Variants in MAP4 observed in about 807,000 individuals in gnomAD.
The protein encoded by MAP4 is microtubule associated protein 4, also known as microtubule-associated protein 4.
MAP4 carries 76 observed loss-of-function variants against 170.2 expected under a neutral mutation model. That is an observed-to-expected ratio of 0.45 (90% CI 0.37 to 0.54). The LOEUF (loss-of-function observed/expected upper bound fraction) is 0.54, where lower values mean the gene tolerates loss of function less well. Among genes scored for constraint, MAP4 ranks in the 20% least tolerant of loss-of-function variants. The pLI, the probability that MAP4 is intolerant of heterozygous loss-of-function variation, is 0.00. For synonymous variants in MAP4, 909 were observed against 994.5 expected (o/e 0.91, Z 1.62); for missense variants, 2,506 against 2,748.0 (o/e 0.91, Z 1.97).
chr3:48,004,066 T>C (rs6442092), intron 1 of MAP4, among the ~76,000 whole-genome samples: 149,338 of 152,272 alleles, frequency 0.98, 73,301 homozygotes, highest in East Asian at 1. Flanking sequence ...ACTAAATTCC[T>C]CTTTTTATAA....
Position 47,850,870 on chromosome 3 carries a change from C to T in MAP4, c.*2064G>A, listed in dbSNP as rs2040608922. On this transcript the variant is annotated 3_prime_UTR_variant, in exon 21 of 21. Transcript: ENST00000683076. ...CCTCTGGTCCCGGCCTTCTCAGGTG[C>T]TCTGGAGTGGAGGATCCTTTGAGGG... is the stretch of plus-strand genomic sequence containing the variant. 7.5e-6 allele frequency: 1 copy of T among 133,104 alleles called. No homozygotes were observed. The highest frequency in any genetic ancestry group is 7.5e-5 in the Admixed American group (1 of 13,404). 8.2% of individuals were successfully genotyped at this position (133,104 alleles called of 1,614,324 possible). A position where few individuals can be genotyped will look rare whatever the true frequency, so the allele number is the denominator to read the frequency against.
At chr3:48,062,806 C>G (rs2100136530) in intron 1 of MAP4, among the ~76,000 whole-genome samples, 1 of 151,350 alleles carries the variant, frequency 6.6e-6, no homozygotes, top group Admixed American at 6.6e-5. Context: ...TGCCTGTAAT[C>G]CCAGCTACTC....
At chr3:48,040,331 T>C (rs906973842) in intron 1 of MAP4, among the ~76,000 whole-genome samples, 2 of 152,114 alleles carry the variant, frequency 1.3e-5, no homozygotes, top group Non-Finnish European at 2.9e-5. Flanking sequence ...TTCAGTGGCG[T>C]GATCTCGGCT....
chr3:47,892,865 T>C (rs946752244), intron 10 of MAP4: 50 of 1,043,750 alleles, frequency 4.8e-5, no homozygotes, highest in South Asian at 4.8e-4. Flanking sequence ...TTCACTGATA[T>C]AGATACGTGC....
chr3:47,876,739 C>T (rs1179882205), intron 11 of MAP4, among the ~76,000 whole-genome samples: 2 of 152,094 alleles, frequency 1.3e-5, no homozygotes, highest in Admixed American at 1.3e-4. Flanking sequence ...TATGATCCAC[C>T]TTCAAAATCT....
At chr3:47,926,627 C>CA (rs1233047269) in intron 4 of MAP4, among the ~76,000 whole-genome samples, 1 of 152,170 alleles carries the variant, frequency 6.6e-6, no homozygotes, top group African/African-American at 2.4e-5. Context: ...TTTGAAGTGG[C>CA]AGACTCAAGT....
intron 1 of MAP4, among the ~76,000 whole-genome samples, chr3:48,074,202 A>G (rs1210947548): frequency 6.6e-6 from 1 of 151,460 alleles, no homozygotes; most frequent in East Asian, 1.9e-4. Context: ...GCAAACTATC[A>G]CAAGGACAGA....
chr3:47,873,733 G>T (rs1317686177), intron 12 of MAP4, among the ~76,000 whole-genome samples: 1 of 152,176 alleles, frequency 6.6e-6, no homozygotes, highest in Non-Finnish European at 1.5e-5. Context: ...TGCTCTCTGG[G>T]ATGTGCATCA....
At chr3:48,074,676 T>G (rs941089351) in intron 1 of MAP4, among the ~76,000 whole-genome samples, 6 of 90,640 alleles carry the variant, frequency 6.6e-5, no homozygotes, top group Non-Finnish European at 1.0e-4. Flanking sequence ...ATCCAGCTAA[T>G]TGTGTGTGTG....
At chr3:47,923,068 C>T (rs1353985012) in intron 4 of MAP4, among the ~76,000 whole-genome samples, 1 of 151,576 alleles carries the variant, frequency 6.6e-6, no homozygotes, top group Admixed American at 6.6e-5. Context: ...GAAAAAAAAG[C>T]AAAGCTGTTC....
intron 1 of MAP4, among the ~76,000 whole-genome samples, chr3:48,057,610 A>AAAAAT (rs2100132881): frequency 7.9e-6 from 1 of 127,114 alleles, no homozygotes; most frequent in African/African-American, 2.9e-5. Context: ...TATCAATAAA[A>AAAAAT]AAATAAATAA....
chr3:48,053,523 AAC>A (rs1374828216), intron 1 of MAP4, among the ~76,000 whole-genome samples: 2 of 152,302 alleles, frequency 1.3e-5, no homozygotes, highest in East Asian at 3.9e-4. Context: ...AAGCCACATG[AAC>A]ACTTTTATTT....
At chr3:47,903,361 G>A (rs1014202075) in intron 9 of MAP4, among the ~76,000 whole-genome samples, 1 of 152,028 alleles carries the variant, frequency 6.6e-6, no homozygotes, top group Non-Finnish European at 1.5e-5. Context: ...GTGAAACCCC[G>A]TCTCTACTAA....
intron 3 of MAP4, among the ~76,000 whole-genome samples, chr3:47,930,211 C>T (rs1448685719): frequency 2.6e-5 from 4 of 151,310 alleles, no homozygotes; most frequent in East Asian, 2.0e-4. Flanking sequence ...TTTGGGAGGC[C>T]GAGGCGGGTG....
chr3:47,955,464 ACAC>A, intron 3 of MAP4, among the ~76,000 whole-genome samples: 1 of 151,744 alleles, frequency 6.6e-6, no homozygotes, highest in Admixed American at 6.6e-5. Context: ...ACACACACAC[ACAC>A]ACACACACAC....
At chr3:47,881,888 G>T (rs752511870) in intron 10 of MAP4, among the ~76,000 whole-genome samples, 1 of 152,030 alleles carries the variant, frequency 6.6e-6, no homozygotes, top group African/African-American at 2.4e-5. Context: ...AGCAGGAGCC[G>T]CTGTACCTGG....
chr3:47,895,116 G>C (rs1339393709), intron 10 of MAP4, among the ~76,000 whole-genome samples: 1 of 151,842 alleles, frequency 6.6e-6, no homozygotes, highest in East Asian at 1.9e-4. Flanking sequence ...AATCAGGTAA[G>C]CCTCAACAAC....
In MAP4 at chr3:47,939,710, T is replaced by G. The variant is rs1270481640; in HGVS notation, c.293-11360A>C. On this transcript the variant is annotated intron_variant, in intron 3 of 20. Transcript: ENST00000683076. ...ATGGTAAGAAACTGTAAAGAAATAG[T>G]TTTTTTTTTTTTTTTAAACAACCAC... is the stretch of plus-strand genomic sequence containing the variant. 9.6e-5 allele frequency among the ~76,000 whole-genome samples: 5 copies of G among 52,270 alleles called. 1 individual carries two copies. Among genetic ancestry groups the G allele is most frequent in the Non-Finnish European group, 1.6e-4 (5 of 30,416 alleles). 34.3% of individuals were successfully genotyped at this position (52,270 alleles called of 152,430 possible).
At chr3:47,942,994 G>A (rs779203735) in intron 3 of MAP4, among the ~76,000 whole-genome samples, 4 of 151,918 alleles carry the variant, frequency 2.6e-5, no homozygotes, top group South Asian at 2.1e-4. Flanking sequence ...CACACCTGTC[G>A]TCCCAGTTAC....
Sources: allele counts gnomAD v4.1 joint callset (sites outside exome capture counted in the v4.1 genomes callset), GRCh38; gene constraint gnomAD v4.1.1; transcripts MANE v1.5; gene names NCBI Gene and HGNC (gene_info 2026-07-23, HGNC 2026-07-21).